Variants in CREBBP observed in about 807,000 individuals in gnomAD.
CREBBP encodes the protein CREB-binding protein.
CREBBP carries 19 observed loss-of-function variants against 265.0 expected under a neutral mutation model. The observed-to-expected ratio is 0.07, with a 90% confidence interval of 0.05 to 0.11. CREBBP has a LOEUF of 0.11. CREBBP is among the 10% of genes least tolerant of loss of function. The pLI is 1.00. For synonymous variants in CREBBP, 1,457 were observed against 1,223.7 expected (o/e 1.19, Z -3.98); for missense variants, 2,525 against 3,219.0 (o/e 0.78, Z 5.22).
At chr16:3,793,233 C>A (rs983527167) in intron 4 of CREBBP, among the ~76,000 whole-genome samples, 153 bp downstream of exon 4, 1 of 152,176 alleles carries the variant, frequency 6.6e-6, no homozygotes, top group Non-Finnish European at 1.5e-5. Context: ...ACTGTCGTCG[C>A]GTGGGGAACG....
chr16:3,758,172 A>G, intron 17 of CREBBP, 124 bp from the exon 18 acceptor site: 1 of 978,078 alleles, frequency 1.0e-6, no homozygotes, highest in Non-Finnish European at 1.5e-6. Flanking sequence ...CATTCCCAAC[A>G]GTAAGAAATA....
Position 3,780,796 on chromosome 16 carries a change from C to G in CREBBP, c.1759G>C (p.Gly587Arg), listed in dbSNP as rs764599337. The G allele has an allele frequency of 1.2e-6, 2 of 1,614,004 alleles. No individual in the cohort carries two copies. The highest frequency in any genetic ancestry group is 2.2e-5 in the East Asian group (1 of 44,884). The change falls in exon 8 of 31, where the codon GGT becomes CGT. Residue 587 changes from glycine to arginine, a missense_variant. Around this residue, in one of 19 missense-constraint regions of CREBBP, gnomAD observed 144 missense variants for 134.0 expected, o/e 1.07. Coordinates refer to ENST00000262367, the MANE Select transcript of CREBBP (RefSeq NM_004380.3). ...TGTTCGTGCCAGCCTTTCCTTACAC[C>G]GGTGCTAGAAGGAGGAGCTGCTGTT... ...IPTAAPPSSTGVRKGWHEHVT... is the reference protein window; with the variant it reads ...IPTAAPPSSTRVRKGWHEHVT...
chr16:3,873,655 G>T (rs1389748589), intron 1 of CREBBP, among the ~76,000 whole-genome samples: 2 of 152,100 alleles, frequency 1.3e-5, no homozygotes, highest in Non-Finnish European at 2.9e-5. Flanking sequence ...CCCTGAGATG[G>T]GAATTGTTAT....
chr16:3,856,353 G>A (rs779945420), intron 1 of CREBBP, among the ~76,000 whole-genome samples: 4 of 151,814 alleles, frequency 2.6e-5, no homozygotes, highest in African/African-American at 7.3e-5. Flanking sequence ...GTCTTGCTCC[G>A]GCACCCAGGC....
intron 2 of CREBBP, among the ~76,000 whole-genome samples, chr16:3,826,819 A>T (rs1205819406): frequency 6.6e-6 from 1 of 152,220 alleles, no homozygotes; most frequent in Non-Finnish European, 1.5e-5. Context: ...AATTAAAGGA[A>T]ATTTGATTAA....
rs141775567 is a variant in CREBBP, at chr16:3,770,924, C to T, written c.2526G>A (p.Gln842=). ...PLNMLGPQAS[Q]LPCPPVTQSP... ...ACTGTGTCACTGGAGGGCAAGGTAG[C>T]TGGCTGGCCTGAGGCCCCAGCATGT... Residue 842 remains glutamine (Q), a synonymous_variant, in exon 14 of 31, where the codon CAG becomes CAA. Transcript: ENST00000262367. The T allele has an allele frequency of 1.6e-4, 262 of 1,613,648 alleles. No individual in the cohort carries two copies. Among genetic ancestry groups the T allele is most frequent in the Non-Finnish European group, 1.9e-4 (230 of 1,180,034 alleles).
intron 2 of CREBBP, chr16:3,840,378 T>C (rs960276115): frequency 5.3e-5 from 8 of 152,294 alleles, no homozygotes; most frequent in African/African-American, 1.4e-4. Flanking sequence ...AGCAACACCA[T>C]GTCTGCATTA....
chr16:3,836,068 G>A (rs188031241), intron 2 of CREBBP, among the ~76,000 whole-genome samples: 160 of 152,174 alleles, frequency 1.1e-3, no homozygotes, highest in African/African-American at 3.7e-3. Flanking sequence ...TTATAAAAAA[G>A]CACATACTAT....
At chr16:3,791,868 C>T (rs758455954) in intron 5 of CREBBP, 113 bp downstream of exon 5, 2 of 928,002 alleles carry the variant, frequency 2.2e-6, no homozygotes, top group African/African-American at 1.6e-5. Context: ...CCCTACCTCA[C>T]CCTGCACTCC....
chr16:3,807,424 T>C (rs762971092), intron 3 of CREBBP, among the ~76,000 whole-genome samples: 24 of 152,228 alleles, frequency 1.6e-4, no homozygotes, highest in Non-Finnish European at 2.2e-4. Context: ...ACCTCATTTT[T>C]TCAGTAAATA....
intron 11 of CREBBP, 122 bp from the exon 12 acceptor site, chr16:3,774,815 G>C: frequency 8.0e-7 from 1 of 1,251,852 alleles, no homozygotes; most frequent in East Asian, 2.5e-5. Context: ...AAACTGAAAA[G>C]AAATCACCCA....
chr16:3,765,012 C>G lies in CREBBP; in HGVS notation c.3250+2708G>C, dbSNP rs374144955. ...TTTTGTTTTTTGAGACGGCGTCTCGCTCTGTCTCCCAGGCTGGAGTGCAGT... is the reference window on the plus strand; with the variant it reads ...TTTTGTTTTTTGAGACGGCGTCTCGGTCTGTCTCCCAGGCTGGAGTGCAGT... On this transcript the variant is annotated intron_variant, in intron 16 of 30. Transcript: ENST00000262367. Among the ~76,000 whole-genome samples the G allele has an allele frequency of 5.9e-5, 9 of 151,948 alleles. No homozygotes were observed. The South Asian group carries it at 1.2e-3, about 21-fold the overall frequency.
chr16:3,803,196 A>T (rs1160933875), intron 3 of CREBBP, among the ~76,000 whole-genome samples: 1 of 145,246 alleles, frequency 6.9e-6, no homozygotes, highest in Admixed American at 7.2e-5. Context: ...AAAATTTAAG[A>T]TCTAAATTCA....
Position 3,782,886 on chromosome 16 carries a change from A to G in CREBBP, c.1371T>C (p.Ile457=). 1 of 1,614,204 alleles carries G rather than the reference A, an allele frequency of 6.2e-7. No individual in the cohort carries two copies. The highest frequency in any genetic ancestry group is 1.3e-5 in the African/African-American group (1 of 75,042). Residue 457 remains isoleucine, a synonymous_variant, in exon 6 of 31, where the codon ATT becomes ATC. Transcript: ENST00000262367. ...GSPASGIQNT[I]GSVGTGQQNA... ...TCTGTTGCCCTGTGCCAACAGAACC[A>G]ATTGTGTTTTGAATTCCACTAGCTG... is the stretch of plus-strand genomic sequence containing the variant.
intron 16 of CREBBP, among the ~76,000 whole-genome samples, chr16:3,760,988 C>G (rs1170418343): frequency 6.6e-6 from 1 of 151,918 alleles, no homozygotes; most frequent in Non-Finnish European, 1.5e-5. Context: ...GAGTTTCACT[C>G]TTGTTGTCTA....
chr16:3,813,283 TAA>T (rs2053972525), intron 2 of CREBBP, among the ~76,000 whole-genome samples: 2 of 152,214 alleles, frequency 1.3e-5, no homozygotes, highest in Admixed American at 6.5e-5. Context: ...GTGCTCTACT[TAA>T]GTGAACTGAG....
chr16:3,868,723 G>GTC (rs2055230460), intron 1 of CREBBP, among the ~76,000 whole-genome samples: 1 of 151,968 alleles, frequency 6.6e-6, no homozygotes, highest in South Asian at 2.1e-4. Context: ...GTCAGACATC[G>GTC]AGCTGAGTGT....
Position 3,850,391 on chromosome 16 carries a change from G to C in CREBBP, c.704C>G (p.Ser235Trp), listed in dbSNP as rs778400698. The C allele has an allele frequency of 1.2e-6, 2 of 1,614,224 alleles. No homozygotes were observed. The highest frequency in any genetic ancestry group is 1.7e-6 in the Non-Finnish European group (2 of 1,180,040). Reference protein sequence around the residue: ...PYPTPAMQGASSSVLAETLTQ... With the variant: ...PYPTPAMQGAWSSVLAETLTQ... ...TAGGGTCTCAGCCAGCACGCTGCTC[G>C]AGGCGCCCTGCATGGCTGGAGTAGG... The change falls in exon 2 of 31, where the codon TCG becomes TGG. Residue 235 changes from serine (S) to tryptophan (W), a missense_variant. Ser to Trp is a radical substitution (Grantham distance 177, BLOSUM62 -3). Transcript: ENST00000262367.
chr16:3,867,385 C>G (rs180866871), intron 1 of CREBBP, among the ~76,000 whole-genome samples: 3 of 151,930 alleles, frequency 2.0e-5, no homozygotes, highest in Admixed American at 6.6e-5. Flanking sequence ...CAAGCTACTG[C>G]GGAGGCTGAA....
Sources: allele counts gnomAD v4.1 joint callset (sites outside exome capture counted in the v4.1 genomes callset), GRCh38; gene constraint gnomAD v4.1.1; regional missense constraint gnomAD v4.1.1; transcripts MANE v1.5; gene names NCBI Gene and HGNC (gene_info 2026-07-23, HGNC 2026-07-21).